The following DPP10 variants were observed in gnomAD, a reference collection of about 807,000 sequenced individuals.
DPP10 encodes inactive dipeptidyl peptidase 10.
A neutral mutation model predicts 120.9 loss-of-function variants in DPP10; 33 were observed. That is an observed-to-expected ratio of 0.27 (90% CI 0.21 to 0.37). The LOEUF (loss-of-function observed/expected upper bound fraction) is 0.37. DPP10 is among the 10% of genes least tolerant of loss of function. DPP10 has a pLI of 1.00. For missense variants in DPP10, 816 were observed against 942.8 expected, an observed-to-expected ratio of 0.87 and a Z score of 1.76; for synonymous variants, 337 against 326.1, an observed-to-expected ratio of 1.03 and a Z score of -0.36.
intron 1 of DPP10, among the ~76,000 whole-genome samples, chr2:115,083,669 TAAAC>T (rs1159025994): frequency 6.6e-6 from 1 of 152,180 alleles, no homozygotes; most frequent in Non-Finnish European, 1.5e-5. Context: ...AAAAAGTTAT[TAAAC>T]AACAACTTTC....
At chr2:114,684,678 T>G (rs1204213458) in intron 1 of DPP10, among the ~76,000 whole-genome samples, 1 of 151,850 alleles carries the variant, frequency 6.6e-6, no homozygotes, top group African/African-American at 2.4e-5. Flanking sequence ...GCCGGATGAG[T>G]CTGGTATGCT....
chr2:114,658,344 C>A (rs1238307319), intron 1 of DPP10, among the ~76,000 whole-genome samples: 2 of 152,060 alleles, frequency 1.3e-5, no homozygotes, highest in Non-Finnish European at 2.9e-5. Context: ...GTTGAGAGGA[C>A]AATGATAAGC....
At chr2:114,513,169 T>C (rs1684290696) in intron 1 of DPP10, among the ~76,000 whole-genome samples, 1 of 152,164 alleles carries the variant, frequency 6.6e-6, no homozygotes, top group Admixed American at 6.5e-5. Context: ...CTTAATTCTG[T>C]CTTCATTCTC....
intron 1 of DPP10, among the ~76,000 whole-genome samples, chr2:114,921,735 G>A (rs116132498): frequency 0.025 from 3,785 of 152,208 alleles, 150 homozygotes; most frequent in African/African-American, 0.082. Flanking sequence ...CCTTTGGACC[G>A]TAGGTCACAT....
chr2:114,494,101 CAAAAAAAAA>C (rs58552540), intron 1 of DPP10, among the ~76,000 whole-genome samples: 1 of 77,162 alleles, frequency 1.3e-5, no homozygotes, highest in Non-Finnish European at 2.4e-5. Context: ...AGCAATAAGG[CAAAAAAAAA>C]AAAAAAAAAA....
At chr2:114,502,665 G>A (rs1020201037) in intron 1 of DPP10, among the ~76,000 whole-genome samples, 1 of 152,102 alleles carries the variant, frequency 6.6e-6, no homozygotes. Context: ...GTGCACACAA[G>A]CATACTCCAA....
chr2:114,721,543 A>G (rs1701705555), intron 1 of DPP10, among the ~76,000 whole-genome samples: 1 of 152,228 alleles, frequency 6.6e-6, no homozygotes, highest in Admixed American at 6.5e-5. Flanking sequence ...CTCTGCTCTC[A>G]TTCTTCTTGA....
At chr2:115,198,315 C>G (rs996904414) in intron 1 of DPP10, among the ~76,000 whole-genome samples, 1 of 152,160 alleles carries the variant, frequency 6.6e-6, no homozygotes, top group African/African-American at 2.4e-5. Context: ...CTCAAACACC[C>G]TCTTACTAAT....
At chr2:114,847,227 A>T (rs1282972739) in intron 1 of DPP10, among the ~76,000 whole-genome samples, 1 of 152,016 alleles carries the variant, frequency 6.6e-6, no homozygotes, top group African/African-American at 2.4e-5. Flanking sequence ...TGGCACACCA[A>T]TTTCTACAGG....
At chr2:114,892,746 AT>A (rs1692643578) in intron 1 of DPP10, among the ~76,000 whole-genome samples, 2 of 152,240 alleles carry the variant, frequency 1.3e-5, no homozygotes, top group South Asian at 4.1e-4. Flanking sequence ...TCTCTTTGTC[AT>A]TTGATGAGGC....
chr2:115,821,409 T>C (rs1241507047), intron 21 of DPP10, among the ~76,000 whole-genome samples: 2 of 152,120 alleles, frequency 1.3e-5, no homozygotes, highest in Non-Finnish European at 2.9e-5. Context: ...ATAACATCCT[T>C]TTTTCATTGA....
chr2:114,838,683 T>C (rs1253630312), intron 1 of DPP10, among the ~76,000 whole-genome samples: 2 of 152,178 alleles, frequency 1.3e-5, no homozygotes, highest in Non-Finnish European at 2.9e-5. Context: ...AATTTCTCCC[T>C]AGGAATATGC....
chr2:115,389,979 G>A (rs1213273148), intron 3 of DPP10, among the ~76,000 whole-genome samples: 2 of 152,122 alleles, frequency 1.3e-5, no homozygotes, highest in African/African-American at 4.8e-5. Flanking sequence ...AGGCAGGATC[G>A]TGAGGGCATT....
At chr2:115,491,145 C>T (rs1438171091) in intron 3 of DPP10, among the ~76,000 whole-genome samples, 4 of 151,994 alleles carry the variant, frequency 2.6e-5, no homozygotes, top group African/African-American at 7.2e-5. Flanking sequence ...ACAAACAAAA[C>T]CTCCCCCAAA....
intron 1 of DPP10, among the ~76,000 whole-genome samples, chr2:114,704,724 A>G (rs72830363): frequency 0.012 from 1,815 of 152,280 alleles, 13 homozygotes; most frequent in Middle Eastern, 0.034. Context: ...AGGGTGAGAA[A>G]TGTAATGGAC....
At chr2:115,411,717 G>A (rs2068971110) in intron 3 of DPP10, among the ~76,000 whole-genome samples, 2 of 152,130 alleles carry the variant, frequency 1.3e-5, no homozygotes, top group Non-Finnish European at 2.9e-5. Flanking sequence ...GCTCTTTATT[G>A]AAATAAGATT....
chr2:115,519,072 T>G (rs568030524), intron 4 of DPP10, among the ~76,000 whole-genome samples: 2 of 152,282 alleles, frequency 1.3e-5, no homozygotes, highest in South Asian at 2.1e-4. Context: ...CTTTTCCAAT[T>G]TATTAAAGTG....
At chr2:115,503,197 A>G (rs1366428642) in intron 4 of DPP10, among the ~76,000 whole-genome samples, 3 of 152,122 alleles carry the variant, frequency 2.0e-5, no homozygotes, top group Non-Finnish European at 4.4e-5. Context: ...TCATTGGTCT[A>G]AGTGTTTATT....
At chr2:114,703,257 A>G (rs1700493735) in intron 1 of DPP10, among the ~76,000 whole-genome samples, 1 of 152,180 alleles carries the variant, frequency 6.6e-6, no homozygotes, top group African/African-American at 2.4e-5. Flanking sequence ...TCAGTTAAGA[A>G]CTATGCTTCT....
Sources: allele counts gnomAD v4.1 joint callset (sites outside exome capture counted in the v4.1 genomes callset), GRCh38; gene constraint gnomAD v4.1.1; transcripts MANE v1.5; gene names NCBI Gene and HGNC (gene_info 2026-07-23, HGNC 2026-07-21).